The following PIEZO2 variants were observed in gnomAD, a reference collection of about 807,000 sequenced individuals.
PIEZO2 encodes piezo-type mechanosensitive ion channel component 2.
Under a neutral mutation model 337.3 loss-of-function variants are expected in PIEZO2, and 172 were observed. The ratio of observed to expected loss-of-function variants is 0.51; its 90% CI spans 0.45 to 0.58. The LOEUF (loss-of-function observed/expected upper bound fraction) is 0.58, where lower values mean the gene tolerates loss of function less well. PIEZO2 is among the 20% of genes least tolerant of loss of function. The pLI is 0.00. For missense variants in PIEZO2, 3,028 were observed against 3,391.3 expected (o/e 0.89, Z 2.66); for synonymous variants, 1,251 against 1,228.5 (o/e 1.02, Z -0.38).
intron 1 of PIEZO2, among the ~76,000 whole-genome samples, chr18:11,115,856 A>T (rs940303077): frequency 4.6e-5 from 7 of 152,200 alleles, no homozygotes; most frequent in African/African-American, 1.7e-4. Flanking sequence ...CCCAGTAGAG[A>T]GGGACAGAAA....
chr18:10,879,217 A>C (rs2042345942), intron 4 of PIEZO2, among the ~76,000 whole-genome samples: 1 of 152,208 alleles, frequency 6.6e-6, no homozygotes, highest in Admixed American at 6.5e-5. Flanking sequence ...GGTTTTGTGT[A>C]GATGAAGTCC....
chr18:10,724,735 C>G lies in PIEZO2; in HGVS notation c.5030-6476G>C, dbSNP rs762797490. The G allele has an allele frequency of 2.6e-6, 4 of 1,524,328 alleles. No individual in the cohort carries two copies. Among genetic ancestry groups the G allele is most frequent in the Non-Finnish European group, 3.6e-6 (4 of 1,124,022 alleles). 94.4% of individuals were successfully genotyped at this position (1,524,328 alleles called of 1,614,324 possible). ...AGACCGAGATGGGCCACCACTGTAC[C>G]CCTGGTCTCAGTCCCTGGCCTTGCC... On this transcript the variant is annotated intron_variant, in intron 36 of 55. Transcript: ENST00000674853. The surrounding 1 kb of genome is among the most constrained non-coding windows in gnomAD (Gnocchi z 5.8).
At chr18:10,747,769 A>G (rs2037483229) in intron 30 of PIEZO2, among the ~76,000 whole-genome samples, 1 of 152,228 alleles carries the variant, frequency 6.6e-6, no homozygotes, top group African/African-American at 2.4e-5. Context: ...GTAGGTAAAC[A>G]CAGATATATT....
At chr18:10,725,522 G>T in intron 36 of PIEZO2, 3 of 1,406,904 alleles carry the variant, frequency 2.1e-6, no homozygotes, top group Non-Finnish European at 2.9e-6. Flanking sequence ...GCTGGGAGTC[G>T]TGGGAAGGAG....
At chr18:10,720,407 GTGTA>G (rs2036244696) in intron 36 of PIEZO2, among the ~76,000 whole-genome samples, 16 of 11,912 alleles carry the variant, frequency 1.3e-3, no homozygotes, top group African/African-American at 2.1e-3. Context: ...GTGTGTGTAT[GTGTA>G]TGTGTATGTA....
rs1163659589 is a variant in PIEZO2 at position 10,746,240 on chromosome 18, C to G, written c.4425-2009G>C. Among the ~76,000 whole-genome samples the G allele has an allele frequency of 6.6e-6, 1 of 152,216 alleles. No individual in the cohort carries two copies. Among genetic ancestry groups the G allele is most frequent in the Non-Finnish European group, 1.5e-5 (1 of 68,038 alleles). The stretch of plus-strand genomic sequence containing the variant: ...CTTGTTTAAACACTGCAAGGCCTTC[C>G]TAAGACTGTGGGAGTATTTCTAAAG... On this transcript the variant is annotated intron_variant, in intron 30 of 55. Transcript: ENST00000674853. This position sits in a 1 kb window ranked among gnomAD's most constrained non-coding sequence, Gnocchi z 4.2.
At chr18:11,089,879 T>C (rs948375802) in intron 1 of PIEZO2, among the ~76,000 whole-genome samples, 2 of 152,214 alleles carry the variant, frequency 1.3e-5, no homozygotes, top group African/African-American at 4.8e-5. Flanking sequence ...ACCTAGCCTC[T>C]GATAAAAGTC....
At chr18:10,931,713 T>TGTGTGTGTGTGAGAGA (rs1004023756) in intron 3 of PIEZO2, among the ~76,000 whole-genome samples, 1 of 147,760 alleles carries the variant, frequency 6.8e-6, no homozygotes, top group African/African-American at 2.5e-5. Context: ...TGTGTGTGTG[T>TGTGTGTGTGTGAGAGA]GAGAGAGAGA....
chr18:11,112,239 C>T lies in PIEZO2; in HGVS notation c.64+36286G>A, dbSNP rs993970925. On this transcript the variant is annotated intron_variant, in intron 1 of 55. Transcript: ENST00000674853. The surrounding 1 kb of genome is among the most constrained non-coding windows in gnomAD (Gnocchi z 4.3). ...GATATTCGGATATTTGTAAAGATAA[C>T]GGTGACTTTTCAAGTTCTGAATACC... 6.6e-5 allele frequency among the ~76,000 whole-genome samples: 10 copies of T among 152,056 alleles called. No homozygotes were observed. Among genetic ancestry groups the T allele is most frequent in the East Asian group, 1.9e-4 (1 of 5,188 alleles).
intron 3 of PIEZO2, among the ~76,000 whole-genome samples, chr18:10,958,841 T>TATATTTATTTCA (rs1568239929): frequency 6.6e-6 from 1 of 152,174 alleles, no homozygotes; most frequent in African/African-American, 2.4e-5. Flanking sequence ...TTGGCCACTT[T>TATATTTATTTCA]GATATAAATT....
At chr18:10,722,184 T>C (rs1354798147) in intron 36 of PIEZO2, among the ~76,000 whole-genome samples, 2 of 148,976 alleles carry the variant, frequency 1.3e-5, no homozygotes, top group Non-Finnish European at 3.0e-5. Context: ...GTAAGTAAAA[T>C]TAATAGAAAA....
chr18:10,879,267 C>T (rs930688050), intron 4 of PIEZO2, among the ~76,000 whole-genome samples: 1 of 152,152 alleles, frequency 6.6e-6, no homozygotes, highest in Admixed American at 6.5e-5. Context: ...TCCATTTTCC[C>T]ATAAAATGAC....
chr18:10,762,759 A>G, intron 22 of PIEZO2, 134 bp from the exon 23 acceptor site: 4 of 1,322,356 alleles, frequency 3.0e-6, no homozygotes, highest in Non-Finnish European at 4.1e-6. Flanking sequence ...GGGAGACCTC[A>G]GTATGAGACG....
rs1250935585 is a variant in PIEZO2, at chr18:10,953,115, A to T, written c.286+26420T>A. Among the ~76,000 whole-genome samples, 1 of 152,206 alleles carries T rather than the reference A, an allele frequency of 6.6e-6. No individual in the cohort carries two copies. Among genetic ancestry groups the T allele is most frequent in the Non-Finnish European group, 1.5e-5 (1 of 68,032 alleles). ...TGTTTCCTTAGTATTGAGTTTTAAG[A>T]GTTCTTCATAAATACTGGATACAAG... On this transcript the variant is annotated intron_variant, in intron 3 of 55. Coordinates refer to ENST00000674853, the MANE Select transcript of PIEZO2 (RefSeq NM_001378183.1). This position sits in a 1 kb window ranked among gnomAD's most constrained non-coding sequence, Gnocchi z 5.2.
intron 1 of PIEZO2, among the ~76,000 whole-genome samples, chr18:11,114,681 G>A (rs1253736612): frequency 1.3e-5 from 2 of 150,860 alleles, no homozygotes; most frequent in African/African-American, 4.9e-5. Context: ...AAAAAAAAAG[G>A]CAGTTGGGGT....
At chr18:10,916,810 T>C (rs565996266) in intron 3 of PIEZO2, among the ~76,000 whole-genome samples, 2 of 152,224 alleles carry the variant, frequency 1.3e-5, no homozygotes, top group African/African-American at 4.8e-5. Context: ...GAATGAGCGA[T>C]GGCTGCCAGC....
intron 4 of PIEZO2, among the ~76,000 whole-genome samples, chr18:10,901,922 A>C (rs2043059140): frequency 1.3e-5 from 2 of 152,110 alleles, no homozygotes; most frequent in South Asian, 4.1e-4. Flanking sequence ...AAACAAAAAA[A>C]AAAAAAGGAG....
chr18:11,123,270 T>A (rs1055004827), intron 1 of PIEZO2, among the ~76,000 whole-genome samples: 1 of 152,200 alleles, frequency 6.6e-6, no homozygotes, highest in African/African-American at 2.4e-5. Flanking sequence ...TGATTTTAAT[T>A]GGATTTTAAT....
At chr18:11,134,354 T>C (rs936736222) in intron 1 of PIEZO2, among the ~76,000 whole-genome samples, 1 of 152,206 alleles carries the variant, frequency 6.6e-6, no homozygotes, top group Admixed American at 6.5e-5. Context: ...TTTGGCCACT[T>C]TGTTTTTCTA....
Sources: gnomAD v4.1 joint callset for allele counts (sites outside exome capture counted in the v4.1 genomes callset) on GRCh38, gnomAD v4.1.1 for gene constraint, Gnocchi (gnomAD v3.1) non-coding constraint, MANE v1.5 for transcripts, NCBI Gene and HGNC (gene_info 2026-07-23, HGNC 2026-07-21) for gene names.